The following NFXL1 variants were observed in gnomAD, a reference collection of about 807,000 sequenced individuals.
NFXL1 encodes the protein nuclear transcription factor, X-box binding like 1.
A neutral mutation model predicts 123.3 loss-of-function variants in NFXL1; 66 were observed. The ratio of observed to expected loss-of-function variants is 0.54; its 90% CI spans 0.44 to 0.66. The LOEUF (loss-of-function observed/expected upper bound fraction) is 0.66. Among genes scored for constraint, NFXL1 ranks in the 30% least tolerant of loss-of-function variants. The probability of loss-of-function intolerance (pLI) is 0.00; values close to 1 mark genes in which losing one functional copy is unlikely to be tolerated. For missense variants in NFXL1, 944 were observed against 1,125.6 expected (o/e 0.84, Z 2.31); for synonymous variants, 346 against 360.8 (o/e 0.96, Z 0.46).
At chr4:47,878,087 G>T (rs538798005) in intron 17 of NFXL1, among the ~76,000 whole-genome samples, 1 of 151,884 alleles carries the variant, frequency 6.6e-6, no homozygotes. Context: ...CAAAAGATTG[G>T]GAATTTATTT....
intron 15 of NFXL1, among the ~76,000 whole-genome samples, chr4:47,882,081 A>G (rs931448509): frequency 2.6e-5 from 4 of 152,202 alleles, no homozygotes; most frequent in Non-Finnish European, 5.9e-5. Flanking sequence ...TCTCAACTGT[A>G]AATTGTATCA....
chr4:47,896,877 C>T (rs1053051929), intron 9 of NFXL1, among the ~76,000 whole-genome samples: 3 of 152,148 alleles, frequency 2.0e-5, no homozygotes, highest in Non-Finnish European at 2.9e-5. Flanking sequence ...TCAAGAAACA[C>T]ATTTTTATGG....
intron 9 of NFXL1, 146 bp from the exon 10 acceptor site, chr4:47,896,793 C>A (rs1737114061): frequency 1.8e-6 from 1 of 567,242 alleles, no homozygotes; most frequent in Non-Finnish European, 3.1e-6. Flanking sequence ...GAAAAATTAA[C>A]TTTAATGAAA....
At chr4:47,895,526 G>C (rs993556646) in intron 10 of NFXL1, among the ~76,000 whole-genome samples, 1 of 152,170 alleles carries the variant, frequency 6.6e-6, no homozygotes, top group African/African-American at 2.4e-5. Context: ...ATATTATGAA[G>C]AGGGCTTCCT....
chr4:47,891,902 A>T (rs1242081193), intron 11 of NFXL1, among the ~76,000 whole-genome samples: 1 of 151,558 alleles, frequency 6.6e-6, no homozygotes, highest in Non-Finnish European at 1.5e-5. Context: ...ACACCACTGC[A>T]CTCCAGCCTG....
At chr4:47,855,620 T>C (rs1048452145) in intron 19 of NFXL1, among the ~76,000 whole-genome samples, 7 of 152,062 alleles carry the variant, frequency 4.6e-5, no homozygotes, top group Non-Finnish European at 1.0e-4. Flanking sequence ...CTTGGATTCA[T>C]GGGTGAACAC....
At chr4:47,912,613 C>G (rs1737887904) in intron 2 of NFXL1, among the ~76,000 whole-genome samples, 1 of 150,020 alleles carries the variant, frequency 6.7e-6, no homozygotes, top group African/African-American at 2.4e-5. Flanking sequence ...CGCCTGCCAC[C>G]CCGCCCGGCT....
intron 9 of NFXL1, among the ~76,000 whole-genome samples, chr4:47,897,566 T>C (rs1560601172): frequency 6.6e-6 from 1 of 152,206 alleles, no homozygotes; most frequent in Non-Finnish European, 1.5e-5. Context: ...ACATTTGTTA[T>C]AACTGATGTA....
At chr4:47,861,898 C>T (rs903440794) in intron 19 of NFXL1, among the ~76,000 whole-genome samples, 18 of 152,038 alleles carry the variant, frequency 1.2e-4, no homozygotes, top group African/African-American at 3.9e-4. Context: ...TAATCAAAGA[C>T]TGATTATGAT....
chr4:47,889,227 C>T (rs529014456), intron 12 of NFXL1, among the ~76,000 whole-genome samples: 1 of 152,182 alleles, frequency 6.6e-6, no homozygotes, highest in African/African-American at 2.4e-5. Context: ...AGTTATATCA[C>T]AGAGATGTAG....
intron 18 of NFXL1, among the ~76,000 whole-genome samples, chr4:47,867,434 G>A (rs1735168812): frequency 6.6e-6 from 1 of 151,296 alleles, no homozygotes. Context: ...GAGTGAAATG[G>A]GAGACAGAAA....
chr4:47,914,040 G>T lies in NFXL1; in HGVS notation c.164C>A (p.Ala55Glu). ...VPSGTSPGGV[A>E]TTAAAGSRHS... Reference sequence around the variant, plus strand: ...CCTGCTCCCTGCAGCCGCCGTGGTCGCGACTCCTCCGGGACTGGTGCCAGA... The same window carrying T: ...CCTGCTCCCTGCAGCCGCCGTGGTCTCGACTCCTCCGGGACTGGTGCCAGA... The change falls in exon 2 of 23, where the codon GCG becomes GAG. Residue 55 changes from alanine (A) to glutamate (E), a missense_variant. By Grantham distance (107) the Ala-to-Glu change is moderately radical. This residue lies in a region of NFXL1 where 303 missense variants were observed against 292.1 expected (regional missense o/e 1.04). Coordinates refer to ENST00000507489, the MANE Select transcript of NFXL1 (RefSeq NM_001278624.2). The T allele has an allele frequency of 6.5e-7, 1 of 1,549,380 alleles. No homozygotes were observed. The highest frequency in any genetic ancestry group is 8.7e-7 in the Non-Finnish European group (1 of 1,146,936).
intron 18 of NFXL1, among the ~76,000 whole-genome samples, chr4:47,874,679 G>A (rs928088583): frequency 5.5e-5 from 8 of 146,764 alleles, no homozygotes; most frequent in Non-Finnish European, 9.0e-5. Flanking sequence ...TGGAAAAAGG[G>A]CATCAATAGA....
At position 47,913,967 on chromosome 4, in the gene NFXL1, A is replaced by G; in HGVS notation, c.235+2T>C. 1 of 1,541,940 alleles carries G rather than the reference A, an allele frequency of 6.5e-7. No individual in the cohort carries two copies. Among genetic ancestry groups the G allele is most frequent in the South Asian group, 1.2e-5 (1 of 83,828 alleles). On this transcript the variant is annotated splice_donor_variant, in intron 2 of 22. Transcript: ENST00000507489. LOFTEE classifies it high-confidence loss of function. ...GAGCACGCGGGCGGGAGCCATTCTC[A>G]CCGCTGGCTGCGGTAGTCTGCAGGG...
chr4:47,909,291 C>T (rs931003618), intron 3 of NFXL1, among the ~76,000 whole-genome samples: 2 of 152,214 alleles, frequency 1.3e-5, no homozygotes, highest in Non-Finnish European at 2.9e-5. Context: ...TTCTTAACTG[C>T]TGTACAATGC....
chr4:47,871,679 T>C (rs543830192), intron 18 of NFXL1, among the ~76,000 whole-genome samples: 38 of 152,278 alleles, frequency 2.5e-4, no homozygotes, highest in Middle Eastern at 3.4e-3. Flanking sequence ...AATGTAAAAT[T>C]GCCCTCTAAA....
intron 1 of NFXL1, 22 bp from the exon 2 acceptor site, chr4:47,914,227 AAAAG>A: frequency 6.9e-7 from 1 of 1,448,348 alleles, no homozygotes; most frequent in Non-Finnish European, 9.1e-7. Context: ...AAAAAAAAAA[AAAAG>A]AGTGGAAGGA....
chr4:47,885,240 T>C (rs1261559997), intron 14 of NFXL1, among the ~76,000 whole-genome samples: 3 of 152,006 alleles, frequency 2.0e-5, no homozygotes, highest in African/African-American at 7.2e-5. Flanking sequence ...AACCACAATA[T>C]ATGAAGGAGG....
At position 47,912,754 on chromosome 4, in the gene NFXL1, G is replaced by A. The variant is rs1180081315; in HGVS notation, c.235+1215C>T. 6.4e-5 allele frequency among the ~76,000 whole-genome samples: 9 copies of A among 141,136 alleles called. No individual in the cohort carries two copies. In the East Asian group the frequency reaches 2.1e-3, roughly 33 times the overall value. 92.6% of individuals were successfully genotyped at this position (141,136 alleles called of 152,430 possible). On this transcript the variant is annotated intron_variant, in intron 2 of 22. Coordinates refer to ENST00000507489, the MANE Select transcript of NFXL1 (RefSeq NM_001278624.2). ...ATTACAGGCTTGAGCCACCGCGCCCGGACAGAATGCTTGTTTTCCTTCTAC... is the reference window on the plus strand; with the variant it reads ...ATTACAGGCTTGAGCCACCGCGCCCAGACAGAATGCTTGTTTTCCTTCTAC...
Sources: gnomAD v4.1 joint callset for allele counts (sites outside exome capture counted in the v4.1 genomes callset) on GRCh38, gnomAD v4.1.1 for gene constraint, gnomAD v4.1.1 regional missense constraint, MANE v1.5 for transcripts, NCBI Gene and HGNC (gene_info 2026-07-23, HGNC 2026-07-21) for gene names.